TM4SF5: variants seen among roughly 807,000 people sequenced by gnomAD.
TM4SF5 encodes transmembrane 4 L six family member 5.
A neutral mutation model predicts 22.3 loss-of-function variants in TM4SF5; 16 were observed. That is an observed-to-expected ratio of 0.72 (90% CI 0.49 to 1.09). TM4SF5 has a LOEUF of 1.09. TM4SF5 is among the 50% of genes least tolerant of loss of function. The probability of loss-of-function intolerance (pLI) is 0.00; values close to 1 mark genes in which losing one functional copy is unlikely to be tolerated. For synonymous variants in TM4SF5, 113 were observed against 109.6 expected, an observed-to-expected ratio of 1.03 and a Z score of -0.19; for missense variants, 249 against 266.1, an observed-to-expected ratio of 0.94 and a Z score of 0.45.
At chr17:4,778,891 A>C (rs1286872784) in intron 1 of TM4SF5, among the ~76,000 whole-genome samples, 1 of 151,742 alleles carries the variant, frequency 6.6e-6, no homozygotes, top group South Asian at 2.1e-4. Flanking sequence ...CCCCGTCTCT[A>C]CTAAAAATAC....
Position 4,782,992 on chromosome 17 carries a change from G to T in TM4SF5, c.534G>T (p.Val178=). 6.2e-7 allele frequency: 1 copy of T among 1,614,216 alleles called. No individual in the cohort carries two copies. Among genetic ancestry groups the T allele is most frequent in the Non-Finnish European group, 8.5e-7 (1 of 1,180,042 alleles). Residue 178 remains valine (V), a synonymous_variant, in exon 4 of 5, where the codon GTG becomes GTT. Coordinates refer to ENST00000270560, the MANE Select transcript of TM4SF5 (RefSeq NM_003963.3). ...TAGTACTGTGTGGGATCCAGCTGGT[G>T]AACGCGACCATTGGTGTCTTCTGCG... ...LEIVLCGIQL[V]NATIGVFCGD...
intron 1 of TM4SF5, among the ~76,000 whole-genome samples, chr17:4,777,026 C>T (rs749722400): frequency 4.6e-5 from 7 of 151,664 alleles, no homozygotes; most frequent in Non-Finnish European, 1.0e-4. Context: ...GGCGAAACCC[C>T]GTCTCTACTA....
intron 1 of TM4SF5, among the ~76,000 whole-genome samples, chr17:4,776,553 C>T (rs972379043): frequency 2.6e-5 from 4 of 152,210 alleles, no homozygotes; most frequent in Non-Finnish European, 4.4e-5. Flanking sequence ...CCGCCTGCCT[C>T]GGCCTCCCAG....
intron 1 of TM4SF5, among the ~76,000 whole-genome samples, chr17:4,773,898 C>A (rs1917163184): frequency 6.6e-6 from 1 of 152,204 alleles, no homozygotes; most frequent in South Asian, 2.1e-4. Context: ...CTTCCCTCCA[C>A]CTCTGTGCCC....
At position 4,780,822 on chromosome 17, in the gene TM4SF5, G is replaced by T; in HGVS notation, c.211G>T (p.Gly71Trp). 3 of 1,610,106 alleles carry T rather than the reference G, an allele frequency of 1.9e-6. No homozygotes were observed. Among genetic ancestry groups the T allele is most frequent in the Non-Finnish European group, 2.5e-6 (3 of 1,178,084 alleles). The part of the protein sequence containing the change: ...LCPGIAAVRA[G>W]GKGCCGAGCC... Reference sequence around the variant, plus strand: ...TCCGGGGATTGCAGCCGTTCGGGCAGGGGGCAAGGGCTGCTGTGGTGCTGG... The same window carrying T: ...TCCGGGGATTGCAGCCGTTCGGGCATGGGGCAAGGGCTGCTGTGGTGCTGG... The change falls in exon 2 of 5, where the codon GGG (glycine) becomes TGG (tryptophan). Residue 71 changes from glycine (G) to tryptophan (W), a missense_variant. Physicochemically the swap from Gly to Trp is radical, Grantham distance 184. Coordinates refer to ENST00000270560, the MANE Select transcript of TM4SF5 (RefSeq NM_003963.3).
At chr17:4,775,988 G>T (rs1917197259) in intron 1 of TM4SF5, among the ~76,000 whole-genome samples, 1 of 152,072 alleles carries the variant, frequency 6.6e-6, no homozygotes, top group Middle Eastern at 3.4e-3. Flanking sequence ...GGGGTTACAG[G>T]CATGAGCCAC....
At chr17:4,773,153 C>A (rs898333383) in intron 1 of TM4SF5, among the ~76,000 whole-genome samples, 9 of 152,126 alleles carry the variant, frequency 5.9e-5, no homozygotes, top group Admixed American at 4.6e-4. Flanking sequence ...GATCCGCCCC[C>A]CTCGGCCTCC....
chr17:4,780,845 T>G lies in TM4SF5; in HGVS notation c.234T>G (p.Ala78=), dbSNP rs1331257554. ...CAGGGGGCAAGGGCTGCTGTGGTGC[T>G]GGGTGCTGTGGAAACCGCTGCAGGG... The part of the protein sequence containing the change: ...VRAGGKGCCG[A]GCCGNRCRML... Residue 78 remains alanine (A), a synonymous_variant, in exon 2 of 5, where the codon GCT becomes GCG. Transcript: ENST00000270560. The G allele has an allele frequency of 6.2e-7, 1 of 1,611,950 alleles. No homozygotes were observed. Among genetic ancestry groups the G allele is most frequent in the Non-Finnish European group, 8.5e-7 (1 of 1,178,998 alleles).
chr17:4,772,771 G>A (rs1917138141), intron 1 of TM4SF5, among the ~76,000 whole-genome samples: 1 of 149,400 alleles, frequency 6.7e-6, no homozygotes, highest in African/African-American at 2.5e-5. Flanking sequence ...GCTGGAGTGT[G>A]GTGGTGCGAA....
intron 1 of TM4SF5, among the ~76,000 whole-genome samples, chr17:4,777,840 C>T (rs1437160899): frequency 1.3e-5 from 2 of 152,006 alleles, no homozygotes; most frequent in Non-Finnish European, 2.9e-5. Flanking sequence ...GCCAAGATCG[C>T]GCCATTGCAC....
chr17:4,772,045 C>T lies in TM4SF5; in HGVS notation c.123C>T (p.Asn41=). The T allele has an allele frequency of 6.2e-7, 1 of 1,614,252 alleles. No homozygotes were observed. Among genetic ancestry groups the T allele is most frequent in the Non-Finnish European group, 8.5e-7 (1 of 1,180,046 alleles). The change falls in exon 1 of 5, where the codon AAC becomes AAT. Residue 41 remains asparagine (N), a synonymous_variant. Coordinates refer to ENST00000270560, the MANE Select transcript of TM4SF5 (RefSeq NM_003963.3). ...GGGAGACCTCCTGGACCAACACCAA[C>T]CATCTCAGCTTGCAAGTCTGGCTCA... is the stretch of plus-strand genomic sequence containing the variant. ...PNGETSWTNT[N]HLSLQVWLMG...
At chr17:4,772,724 T>G (rs1029511757) in intron 1 of TM4SF5, among the ~76,000 whole-genome samples, 7 of 150,660 alleles carry the variant, frequency 4.6e-5, no homozygotes, top group Non-Finnish European at 7.4e-5. Context: ...TTTTGTTTTT[T>G]TTTTTTTTTG....
Position 4,782,610 on chromosome 17 carries a change from C to A in TM4SF5, c.366C>A (p.Gly122=), listed in dbSNP as rs550308707. 2 of 1,614,082 alleles carry A rather than the reference C, an allele frequency of 1.2e-6. No individual in the cohort carries two copies. Among genetic ancestry groups the A allele is most frequent in the East Asian group, 4.5e-5 (2 of 44,864 alleles). ...ATGGACCCAGATGCTTAATGAACGG[C>A]GAGTGGGGCTACCACTTCGAAGACA... ...LRNGPRCLMN[G]EWGYHFEDTA... The change falls in exon 3 of 5, where the codon GGC becomes GGA. Residue 122 remains glycine (G), a synonymous_variant. Transcript: ENST00000270560.
At chr17:4,772,223 G>T in intron 1 of TM4SF5, 124 bp downstream of exon 1, 2 of 1,222,366 alleles carry the variant, frequency 1.6e-6, no homozygotes, top group Non-Finnish European at 2.3e-6. Context: ...ATGGCTTCGT[G>T]GGGGCTAGCA....
intron 2 of TM4SF5, 21 bp from the exon 3 acceptor site, chr17:4,782,482 C>T: frequency 1.2e-6 from 2 of 1,613,696 alleles, no homozygotes; most frequent in East Asian, 2.2e-5. Context: ...GGCCTTACCT[C>T]CCCTTCCACA....
intron 1 of TM4SF5, among the ~76,000 whole-genome samples, chr17:4,778,566 C>T (rs1166106980): frequency 2.0e-5 from 3 of 152,058 alleles, no homozygotes; most frequent in Non-Finnish European, 2.9e-5. Context: ...ATGATTGCAC[C>T]ACTGCATTCC....
chr17:4,775,930 C>A (rs148294033), intron 1 of TM4SF5, among the ~76,000 whole-genome samples: 277 of 151,854 alleles, frequency 1.8e-3, no homozygotes, highest in Non-Finnish European at 2.3e-3. Flanking sequence ...CTGCAACCTC[C>A]GCCTCCCAGG....
rs1374702339 is a variant in TM4SF5 at position 4,782,628 on chromosome 17, C to T, written c.384C>T (p.Phe128=). 2 of 1,614,186 alleles carry T rather than the reference C, an allele frequency of 1.2e-6. No homozygotes were observed. The highest frequency in any genetic ancestry group is 1.7e-6 in the Non-Finnish European group (2 of 1,180,032). Residue 128 remains phenylalanine (F), a synonymous_variant, in exon 3 of 5, where the codon TTC becomes TTT. Transcript: ENST00000270560. ...CLMNGEWGYH[F]EDTAGAYLLN... ...TGAACGGCGAGTGGGGCTACCACTT[C>T]GAAGACACCGCGTAAGGTTTAGCCT... is the stretch of plus-strand genomic sequence containing the variant.
intron 1 of TM4SF5, among the ~76,000 whole-genome samples, chr17:4,780,205 G>A (rs184822565): frequency 1.9e-3 from 287 of 151,986 alleles, no homozygotes; most frequent in Non-Finnish European, 2.5e-3. Context: ...ATAGGCATGC[G>A]CCACCACGCC....
Sources: allele counts gnomAD v4.1 joint callset (sites outside exome capture counted in the v4.1 genomes callset), GRCh38; gene constraint gnomAD v4.1.1; transcripts MANE v1.5; gene names NCBI Gene and HGNC (gene_info 2026-07-23, HGNC 2026-07-21).